The following P4HTM variants were observed in gnomAD, a reference collection of about 807,000 sequenced individuals.
P4HTM encodes the protein transmembrane prolyl 4-hydroxylase.
In P4HTM, 33 loss-of-function variants were observed where a neutral mutation model predicts 55.3. The observed-to-expected ratio is 0.60, with a 90% CI of 0.45 to 0.80. The LOEUF (loss-of-function observed/expected upper bound fraction) is 0.80. Among genes scored for constraint, P4HTM ranks in the 30% least tolerant of loss-of-function variants. The pLI is 0.00. For missense variants in P4HTM, 542 were observed against 696.5 expected, an observed-to-expected ratio of 0.78 and a Z score of 2.50; for synonymous variants, 272 against 286.4, an observed-to-expected ratio of 0.95 and a Z score of 0.51.
chr3:48,990,658 C>A lies in P4HTM; in HGVS notation c.354+48C>A. 1 of 1,489,248 alleles carries A rather than the reference C, an allele frequency of 6.7e-7. No homozygotes were observed. Among genetic ancestry groups the A allele is most frequent in the Non-Finnish European group, 8.9e-7 (1 of 1,118,958 alleles). 92.3% of individuals were successfully genotyped at this position (1,489,248 alleles called of 1,614,324 possible). ...GCGCTCCAGGCCCTGCACGGCTGAGCCCGAGAGGACCGGCGCTCAGCCCGG... is the reference window on the plus strand; with the variant it reads ...GCGCTCCAGGCCCTGCACGGCTGAGACCGAGAGGACCGGCGCTCAGCCCGG... On this transcript the variant is annotated intron_variant, in intron 1 of 8. Coordinates refer to ENST00000383729, the MANE Select transcript of P4HTM (RefSeq NM_177939.3). This position sits in a 1 kb window ranked among gnomAD's most constrained non-coding sequence, Gnocchi z 7.2.
At chr3:48,993,041 C>T (rs538905218) in intron 2 of P4HTM, among the ~76,000 whole-genome samples, 10 of 152,164 alleles carry the variant, frequency 6.6e-5, no homozygotes, top group African/African-American at 1.9e-4. Flanking sequence ...CGGTGGCTCA[C>T]GCCTGTAATC....
Position 49,006,894 on chromosome 3 carries a change from G to C in P4HTM, c.1496G>C (p.Arg499Pro). ...CTGGACCGGGCCTACCGCGATGCGC[G>C]CGTGGAACTCTGAGGGAAGAGTTAG... ...WALDRAYRDA[R>P]VEL Residue 499 changes from arginine (R) to proline (P), a missense_variant, in exon 9 of 9, where the codon CGC becomes CCC. By Grantham distance (103) the Arg-to-Pro change is moderately radical (BLOSUM62 -2). This residue lies in a region of P4HTM where 536 missense variants were observed against 672.1 expected (regional missense o/e 0.80). Transcript: ENST00000383729. 6.2e-7 allele frequency: 1 copy of C among 1,611,890 alleles called. No individual in the cohort carries two copies. The highest frequency in any genetic ancestry group is 8.5e-7 in the Non-Finnish European group (1 of 1,179,346).
rs546708621 is a variant in P4HTM, at chr3:49,003,901, T to A, written c.725-197T>A. The A allele has an allele frequency of 2.9e-5, 17 of 576,942 alleles. No homozygotes were observed. In the South Asian group the frequency reaches 3.7e-4, roughly 12 times the overall value. The allele number at this position is 576,942 out of a possible 1,614,324, so 35.7% of individuals were successfully genotyped here. A position where few individuals can be genotyped will look rare whatever the true frequency, so the allele number is the denominator to read the frequency against. On this transcript the variant is annotated intron_variant, in intron 4 of 8. Transcript: ENST00000383729. ...AACTGAGAAAAGGAACTGCTCTGGG[T>A]CTTCCTGTAAGGCCTGATGTGACAG...
intron 2 of P4HTM, chr3:48,997,196 C>T (rs1233403516): frequency 6.6e-6 from 1 of 152,234 alleles, no homozygotes; most frequent in Non-Finnish European, 1.5e-5. Context: ...AAGTCCCAGG[C>T]TCTCCCTGGC....
At chr3:48,995,811 C>T (rs1298404075) in intron 2 of P4HTM, among the ~76,000 whole-genome samples, 2 of 152,146 alleles carry the variant, frequency 1.3e-5, no homozygotes, top group Non-Finnish European at 2.9e-5. Context: ...GTCTCGAACT[C>T]CTGACCTCAA....
chr3:48,990,716 C>A lies in P4HTM; in HGVS notation c.354+106C>A. On this transcript the variant is annotated intron_variant, in intron 1 of 8. Coordinates refer to ENST00000383729, the MANE Select transcript of P4HTM (RefSeq NM_177939.3). The surrounding 1 kb of genome is among the most constrained non-coding windows in gnomAD (Gnocchi z 7.2). ...CGCTGCCCCCGGCGCTGCTCTGCGT[C>A]GGTCCCGCGCGCTCCCACTCACTCG... 2.0e-6 allele frequency: 3 copies of A among 1,464,422 alleles called. No individual in the cohort carries two copies. The highest frequency in any genetic ancestry group is 2.1e-5 in the Admixed American group (1 of 46,844). 90.7% of individuals were successfully genotyped at this position (1,464,422 alleles called of 1,614,324 possible).
At chr3:48,993,470 A>G (rs2092936797) in intron 2 of P4HTM, among the ~76,000 whole-genome samples, 1 of 152,178 alleles carries the variant, frequency 6.6e-6, no homozygotes, top group Non-Finnish European at 1.5e-5. Context: ...GTTTTCTCTC[A>G]GCAGCCTTCC....
intron 7 of P4HTM, 62 bp from the exon 8 acceptor site, chr3:49,006,002 C>T (rs2092978657): frequency 1.3e-6 from 2 of 1,578,482 alleles, no homozygotes; most frequent in South Asian, 1.1e-5. Flanking sequence ...TTTGGTCACC[C>T]TTGGCTGGCC....
intron 2 of P4HTM, chr3:48,996,260 A>G (rs1006444562): frequency 1.1e-4 from 17 of 152,266 alleles, no homozygotes; most frequent in African/African-American, 4.1e-4. Context: ...GTATCAGTTC[A>G]AGGTTGTTGT....
At position 48,990,995 on chromosome 3, in the gene P4HTM, C is replaced by G. The variant is rs1003754461; in HGVS notation, c.436+81C>G. 7.5e-6 allele frequency: 8 copies of G among 1,064,906 alleles called. No individual in the cohort carries two copies. The highest frequency in any genetic ancestry group is 1.0e-5 in the Non-Finnish European group (7 of 703,052). 66.0% of individuals were successfully genotyped at this position (1,064,906 alleles called of 1,614,324 possible). A position where few individuals can be genotyped will look rare whatever the true frequency, so the allele number is the denominator to read the frequency against. On this transcript the variant is annotated intron_variant, in intron 2 of 8. Coordinates refer to ENST00000383729, the MANE Select transcript of P4HTM (RefSeq NM_177939.3). The surrounding 1 kb of genome is among the most constrained non-coding windows in gnomAD (Gnocchi z 7.2). Reference sequence around the variant, plus strand: ...TTGAGGCTCGTTGTGACCACGTGACCTCTATTTTGAAAATGGCTGCTTCAG... The same window carrying G: ...TTGAGGCTCGTTGTGACCACGTGACGTCTATTTTGAAAATGGCTGCTTCAG...
chr3:49,006,147 C>T lies in P4HTM; in HGVS notation c.1248C>T (p.Gly416=), dbSNP rs779588385. Residue 416 remains glycine (G), a synonymous_variant, in exon 8 of 9, where the codon GGC becomes GGT. Coordinates refer to ENST00000383729, the MANE Select transcript of P4HTM (RefSeq NM_177939.3). ...KGNLRVKPQQ[G]TAVFWYNYLP... ...ACCTGCGTGTCAAGCCCCAACAGGG[C>T]ACAGCAGTCTTCTGGTACAACTACC... The T allele has an allele frequency of 6.2e-7, 1 of 1,612,878 alleles. No homozygotes were observed. The highest frequency in any genetic ancestry group is 8.5e-7 in the Non-Finnish European group (1 of 1,179,930).
At chr3:49,005,482 G>T in intron 6 of P4HTM, 1 of 1,346,274 alleles carries the variant, frequency 7.4e-7, no homozygotes, top group Non-Finnish European at 9.5e-7. Context: ...CCTTCAGCGC[G>T]CCCTGTTGCT....
In P4HTM at chr3:49,002,730, G is replaced by T; in HGVS notation, c.724+134G>T. On this transcript the variant is annotated intron_variant, in intron 4 of 8. Transcript: ENST00000383729. This position sits in a 1 kb window ranked among gnomAD's most constrained non-coding sequence, Gnocchi z 4.4. ...CACCCCTTTATAGTGGCCAGAGATG[G>T]GGAGGTGAAGATCCAGCCTTGCTTT... 1.3e-6 allele frequency: 1 copy of T among 744,124 alleles called. No homozygotes were observed. The highest frequency in any genetic ancestry group is 1.4e-5 in the South Asian group (1 of 69,716). 46.1% of individuals were successfully genotyped at this position (744,124 alleles called of 1,614,324 possible).
chr3:48,993,199 G>T (rs2092935858), intron 2 of P4HTM, among the ~76,000 whole-genome samples: 2 of 152,010 alleles, frequency 1.3e-5, no homozygotes, highest in African/African-American at 4.8e-5. Flanking sequence ...CTACTTGGGA[G>T]GCTGAGGCAG....
chr3:49,006,724 G>C lies in P4HTM; in HGVS notation c.1326G>C (p.Gly442=). 6.2e-7 allele frequency: 1 copy of C among 1,613,726 alleles called. No individual in the cohort carries two copies. Among genetic ancestry groups the C allele is most frequent in the South Asian group, 1.1e-5 (1 of 91,090 alleles). The change falls in exon 9 of 9, where the codon GGG becomes GGC. Residue 442 remains glycine (G), a synonymous_variant. Transcript: ENST00000383729. ...VGDVDDYSLH[G]GCLVTRGTKW... The stretch of plus-strand genomic sequence containing the variant: ...ACGTAGACGACTACTCGCTGCACGG[G>C]GGCTGCCTGGTCACGCGCGGCACCA...
chr3:49,006,952 C>A lies in P4HTM; in HGVS notation c.*45C>A. The A allele has an allele frequency of 6.7e-7, 1 of 1,486,052 alleles. No homozygotes were observed. Among genetic ancestry groups the A allele is most frequent in the Non-Finnish European group, 9.2e-7 (1 of 1,082,970 alleles). The allele number at this position is 1,486,052 out of a possible 1,614,324, so 92.1% of individuals were successfully genotyped here. A position where few individuals can be genotyped will look rare whatever the true frequency, so the allele number is the denominator to read the frequency against. On this transcript the variant is annotated 3_prime_UTR_variant, in exon 9 of 9. Coordinates refer to ENST00000383729, the MANE Select transcript of P4HTM (RefSeq NM_177939.3). ...TCCCAGCCGCGGGTCGCCAGTTGCC[C>A]AAGATCAGGGGTCCGGCTGTCCTTC...
intron 6 of P4HTM, 92 bp downstream of exon 6, chr3:49,005,138 G>A: frequency 6.2e-7 from 1 of 1,611,908 alleles, no homozygotes; most frequent in Non-Finnish European, 8.5e-7. Context: ...CGTGCCCCTT[G>A]GCATGGGGCC....
intron 6 of P4HTM, chr3:49,005,575 A>G: frequency 7.2e-7 from 1 of 1,386,526 alleles, no homozygotes; most frequent in East Asian, 2.6e-5. Flanking sequence ...TGGCCAAAAA[A>G]CCATTGCAAC....
At position 48,993,765 on chromosome 3, in the gene P4HTM, G is replaced by A. The variant is rs975362544; in HGVS notation, c.436+2851G>A. Among the ~76,000 whole-genome samples, 11 of 151,378 alleles carry A rather than the reference G, an allele frequency of 7.3e-5. No homozygotes were observed. The East Asian group carries it at 1.9e-3, about 27-fold the overall frequency. The stretch of plus-strand genomic sequence containing the variant: ...TAATCCCAGCTATTCGGGAGGCTGA[G>A]GCAGGAGAATTGCTTGAACCCGGGA... On this transcript the variant is annotated intron_variant, in intron 2 of 8. Coordinates refer to ENST00000383729, the MANE Select transcript of P4HTM (RefSeq NM_177939.3).
Sources: allele counts gnomAD v4.1 joint callset (sites outside exome capture counted in the v4.1 genomes callset), GRCh38; gene constraint gnomAD v4.1.1; regional missense constraint gnomAD v4.1.1; non-coding constraint Gnocchi (gnomAD v3.1); transcripts MANE v1.5; gene names NCBI Gene and HGNC (gene_info 2026-07-23, HGNC 2026-07-21).